Variants in CMSS1 observed in about 807,000 individuals in gnomAD.
The protein encoded by CMSS1 is protein CMSS1.
In CMSS1, 33 loss-of-function variants were observed where a neutral mutation model predicts 43.5. That is an observed-to-expected ratio of 0.76 (90% confidence interval 0.57 to 1.01). The LOEUF is 1.01. CMSS1 is among the 50% of genes least tolerant of loss of function. The probability of loss-of-function intolerance (pLI) is 0.00; values close to 1 mark genes in which losing one functional copy is unlikely to be tolerated. For synonymous variants in CMSS1, 115 were observed against 117.2 expected, an observed-to-expected ratio of 0.98 and a Z score of 0.12; for missense variants, 313 against 326.4, an observed-to-expected ratio of 0.96 and a Z score of 0.32.
intron 1 of CMSS1, among the ~76,000 whole-genome samples, chr3:100,055,041 C>T (rs1018973537): frequency 6.6e-6 from 1 of 152,154 alleles, no homozygotes; most frequent in East Asian, 1.9e-4. Flanking sequence ...TACCTCCTGG[C>T]CCATAGTATT....
intron 1 of CMSS1, among the ~76,000 whole-genome samples, chr3:100,060,706 C>T (rs115655875): frequency 0.012 from 1,839 of 151,770 alleles, 24 homozygotes; most frequent in African/African-American, 0.028. Flanking sequence ...AATAGAAAAA[C>T]ACAAGATTTA....
chr3:100,051,463 G>C (rs183697516), intron 1 of CMSS1, among the ~76,000 whole-genome samples: 1 of 150,160 alleles, frequency 6.7e-6, no homozygotes. Context: ...TCATTAACTC[G>C]TCATTTAACA....
chr3:100,127,915 T>G (rs1177927792), intron 1 of CMSS1, among the ~76,000 whole-genome samples: 1 of 152,170 alleles, frequency 6.6e-6, no homozygotes, highest in Non-Finnish European at 1.5e-5. Context: ...AAAGCCTCTC[T>G]TAGGTCCCAT....
chr3:100,117,830 T>TATATATATATATATATATATATATATAC (rs2066585376), intron 1 of CMSS1, among the ~76,000 whole-genome samples: 3 of 87,770 alleles, frequency 3.4e-5, no homozygotes, highest in African/African-American at 5.3e-5. Flanking sequence ...CTGCAGTATA[T>TATATATATATATATATATATATATATAC]ATATATATAT....
Position 100,098,230 on chromosome 3 carries a change from C to T in CMSS1, c.65-48743C>T, listed in dbSNP as rs114909589. On this transcript the variant is annotated intron_variant, in intron 1 of 9. Coordinates refer to ENST00000421999, the MANE Select transcript of CMSS1 (RefSeq NM_032359.4). ...ATGACAGGTAAAAAAACAAACTACA[C>T]GGTACCTGTATTGGTGATGATAAGC... 4.6e-3 allele frequency among the ~76,000 whole-genome samples: 707 copies of T among 152,246 alleles called. 2 individuals are homozygous for T. The highest frequency in any genetic ancestry group is 7.1e-3 in the South Asian group (34 of 4,816).
chr3:99,860,367 T>G (rs1385872178), intron 1 of CMSS1, among the ~76,000 whole-genome samples: 2 of 152,150 alleles, frequency 1.3e-5, no homozygotes, highest in African/African-American at 4.8e-5. Context: ...CCATTAATTA[T>G]AAGGAGCTTG....
chr3:99,944,328 C>T (rs989861386), intron 1 of CMSS1, among the ~76,000 whole-genome samples: 5 of 152,174 alleles, frequency 3.3e-5, no homozygotes, highest in African/African-American at 1.2e-4. Flanking sequence ...AGGGACGTAA[C>T]ATGAAATGAC....
At chr3:99,986,501 A>G (rs894847151) in intron 1 of CMSS1, among the ~76,000 whole-genome samples, 4 of 152,222 alleles carry the variant, frequency 2.6e-5, no homozygotes, top group Non-Finnish European at 4.4e-5. Context: ...AGTGAAAGAA[A>G]TAGACGAGAA....
intron 1 of CMSS1, among the ~76,000 whole-genome samples, chr3:99,918,872 C>T (rs1376012120): frequency 6.6e-6 from 1 of 152,102 alleles, no homozygotes; most frequent in East Asian, 1.9e-4. Context: ...TGACAAAGGT[C>T]AAATGGAGAT....
intron 1 of CMSS1, among the ~76,000 whole-genome samples, chr3:99,906,499 A>G (rs1357833375): frequency 6.6e-6 from 1 of 152,122 alleles, no homozygotes; most frequent in Admixed American, 6.5e-5. Context: ...CTGTTGTTGT[A>G]TTTTGATTAA....
At chr3:99,915,081 C>T (rs913007931) in intron 1 of CMSS1, among the ~76,000 whole-genome samples, 1 of 152,100 alleles carries the variant, frequency 6.6e-6, no homozygotes, top group Non-Finnish European at 1.5e-5. Flanking sequence ...ATAAGGGCAC[C>T]ATATGCTCTT....
At chr3:99,827,774 T>C (rs939738296) in intron 1 of CMSS1, among the ~76,000 whole-genome samples, 6 of 152,014 alleles carry the variant, frequency 3.9e-5, no homozygotes, top group Non-Finnish European at 5.9e-5. Context: ...CCCGGCTAAT[T>C]TTGCATTTTT....
At chr3:100,167,622 C>A in intron 5 of CMSS1, 116 bp from the exon 6 acceptor site, 1 of 532,810 alleles carries the variant, frequency 1.9e-6, no homozygotes, top group Non-Finnish European at 3.4e-6. Flanking sequence ...TTATAATGAA[C>A]CATGCTTACT....
At chr3:100,068,145 T>C (rs1046231902) in intron 1 of CMSS1, among the ~76,000 whole-genome samples, 11 of 152,242 alleles carry the variant, frequency 7.2e-5, no homozygotes, top group Admixed American at 2.6e-4. Context: ...GAAATGCACA[T>C]TTAATCAAAG....
intron 1 of CMSS1, among the ~76,000 whole-genome samples, chr3:100,086,687 C>A (rs1032391710): frequency 2.0e-5 from 3 of 152,138 alleles, no homozygotes; most frequent in African/African-American, 7.2e-5. Flanking sequence ...GAGTTGGGAG[C>A]AATGGCTAAC....
chr3:100,048,252 A>G (rs9833980), intron 1 of CMSS1, among the ~76,000 whole-genome samples: 28,178 of 152,188 alleles, frequency 0.19, 2,954 homozygotes, highest in South Asian at 0.25. Flanking sequence ...AAAACTAGCA[A>G]TAGACTTAAA....
intron 9 of CMSS1, 21 bp from the exon 10 acceptor site, chr3:100,178,283 TC>T: frequency 2.6e-6 from 4 of 1,516,586 alleles, no homozygotes; most frequent in Non-Finnish European, 3.7e-6. Flanking sequence ...AATCTTTTTT[TC>T]CCCCCTTTTC....
chr3:100,030,348 G>C (rs990584831), intron 1 of CMSS1, among the ~76,000 whole-genome samples: 1 of 152,116 alleles, frequency 6.6e-6, no homozygotes, highest in Non-Finnish European at 1.5e-5. Flanking sequence ...CCTGGCATGC[G>C]TGTTGGTTTT....
At chr3:99,830,856 C>T (rs1476302109) in intron 1 of CMSS1, among the ~76,000 whole-genome samples, 4 of 152,170 alleles carry the variant, frequency 2.6e-5, no homozygotes, top group Non-Finnish European at 5.9e-5. Flanking sequence ...AGATATTTGG[C>T]AATCACGGTG....
Sources: allele counts gnomAD v4.1 joint callset (sites outside exome capture counted in the v4.1 genomes callset), GRCh38; gene constraint gnomAD v4.1.1; transcripts MANE v1.5; gene names NCBI Gene and HGNC (gene_info 2026-07-23, HGNC 2026-07-21).